Variants in KIAA1328 observed in about 807,000 individuals in gnomAD.
KIAA1328 encodes protein hinderin.
Under a neutral mutation model 68.1 loss-of-function variants are expected in KIAA1328, and 52 were observed. The ratio of observed to expected loss-of-function variants is 0.76; its 90% confidence interval spans 0.61 to 0.96. The LOEUF is 0.96. KIAA1328 is among the 40% of genes least tolerant of loss of function. The pLI, the probability that KIAA1328 is intolerant of heterozygous loss-of-function variation, is 0.00. For synonymous variants in KIAA1328, 232 were observed against 239.4 expected (o/e 0.97, Z 0.28); for missense variants, 641 against 677.6 (o/e 0.95, Z 0.60).
At chr18:37,163,202 C>G (rs956273223) in intron 8 of KIAA1328, among the ~76,000 whole-genome samples, 4 of 152,206 alleles carry the variant, frequency 2.6e-5, no homozygotes, top group Non-Finnish European at 5.9e-5. Context: ...TTTATGAGAG[C>G]CCTCAAAACT....
chr18:37,133,680 A>G (rs548031357), intron 7 of KIAA1328, among the ~76,000 whole-genome samples: 62 of 151,268 alleles, frequency 4.1e-4, no homozygotes, highest in African/African-American at 1.5e-3. Context: ...TGCCTGCCAC[A>G]ATGCCTGGCT....
At chr18:37,179,472 G>A (rs2059658488) in intron 9 of KIAA1328, among the ~76,000 whole-genome samples, 2 of 152,044 alleles carry the variant, frequency 1.3e-5, no homozygotes. Context: ...TGTTTAATGT[G>A]TTCTGAAAAT....
intron 7 of KIAA1328, among the ~76,000 whole-genome samples, chr18:37,079,427 A>T (rs558270904): frequency 1.4e-5 from 2 of 146,712 alleles, no homozygotes; most frequent in African/African-American, 5.2e-5. Flanking sequence ...ACATGTATAC[A>T]TATGTAACTA....
chr18:36,876,318 T>G (rs1337344180), intron 4 of KIAA1328, among the ~76,000 whole-genome samples: 1 of 152,100 alleles, frequency 6.6e-6, no homozygotes, highest in East Asian at 1.9e-4. Flanking sequence ...ATTTTTTTGG[T>G]TGGTAGGCTA....
chr18:36,842,492 C>T (rs2150800281), intron 3 of KIAA1328, among the ~76,000 whole-genome samples: 1 of 152,200 alleles, frequency 6.6e-6, no homozygotes, highest in Non-Finnish European at 1.5e-5. Flanking sequence ...GAGTCTTAGA[C>T]TTAGCATCTC....
rs763656854 is a variant in KIAA1328 at position 36,959,277 on chromosome 18, T to C, written c.449-31T>C. 6.5e-6 allele frequency: 10 copies of C among 1,536,436 alleles called. No homozygotes were observed. In the South Asian group the frequency reaches 1.3e-4, roughly 19 times the overall value. On this transcript the variant is annotated intron_variant, in intron 5 of 9. Coordinates refer to ENST00000280020, the MANE Select transcript of KIAA1328 (RefSeq NM_020776.3). ...GATGGATGCAGTTTGAATCAATTTT[T>C]CAGTTTTTTTCCCTTAATTTGCAAT...
At chr18:37,009,740 G>C (rs1448992558) in intron 6 of KIAA1328, among the ~76,000 whole-genome samples, 5 of 152,286 alleles carry the variant, frequency 3.3e-5, no homozygotes, top group Admixed American at 2.6e-4. Flanking sequence ...ATGGATATAA[G>C]ATGGATAGTC....
chr18:37,220,663 T>C (rs1446240508), intron 9 of KIAA1328, among the ~76,000 whole-genome samples: 1 of 152,222 alleles, frequency 6.6e-6, no homozygotes, highest in Non-Finnish European at 1.5e-5. Flanking sequence ...GCCAGAAAGA[T>C]GACATTTTTG....
chr18:37,033,178 A>C (rs1289858193), intron 6 of KIAA1328, among the ~76,000 whole-genome samples: 1 of 152,008 alleles, frequency 6.6e-6, no homozygotes, highest in Non-Finnish European at 1.5e-5. Flanking sequence ...TTTCCTTTAA[A>C]TTCTTAATTA....
At chr18:36,859,222 A>G (rs1289744377) in intron 4 of KIAA1328, among the ~76,000 whole-genome samples, 1 of 151,750 alleles carries the variant, frequency 6.6e-6, no homozygotes, top group African/African-American at 2.4e-5. Context: ...TAACAAGTGC[A>G]GTTTCCTCTC....
At chr18:37,103,316 C>G (rs2057678171) in intron 7 of KIAA1328, among the ~76,000 whole-genome samples, 1 of 152,048 alleles carries the variant, frequency 6.6e-6, no homozygotes, top group African/African-American at 2.4e-5. Flanking sequence ...ACACATAGAC[C>G]AGTGGAATAG....
rs77694256 is a variant in KIAA1328, at chr18:37,083,837, G to A, written c.1232+16292G>A. ...ATAGAGGGAAGAATTAACTTTCTGC[G>A]GCAGAGATTTAAAGTGCTCCTATTG... On this transcript the variant is annotated intron_variant, in intron 7 of 9. Transcript: ENST00000280020. Among the ~76,000 whole-genome samples, 156 of 152,186 alleles carry A rather than the reference G, an allele frequency of 1.0e-3. 2 individuals carry two copies. The highest frequency in any genetic ancestry group is 3.7e-3 in the African/African-American group (154 of 41,546).
At chr18:37,088,840 A>G (rs1029247743) in intron 7 of KIAA1328, among the ~76,000 whole-genome samples, 1 of 152,134 alleles carries the variant, frequency 6.6e-6, no homozygotes, top group Non-Finnish European at 1.5e-5. Context: ...ATGTCAACAT[A>G]TCTCTTATAA....
intron 7 of KIAA1328, among the ~76,000 whole-genome samples, chr18:37,156,319 G>A (rs546116634): frequency 4.0e-5 from 6 of 151,354 alleles, no homozygotes; most frequent in African/African-American, 7.3e-5. Context: ...CCAGCTACTC[G>A]GGAGGCTGAG....
intron 7 of KIAA1328, among the ~76,000 whole-genome samples, chr18:37,104,498 G>A (rs2057713904): frequency 6.6e-6 from 1 of 152,206 alleles, no homozygotes; most frequent in African/African-American, 2.4e-5. Flanking sequence ...ACAGGAGGCT[G>A]TGAAAGGTGG....
At chr18:36,845,782 T>C (rs1261634719) in intron 4 of KIAA1328, among the ~76,000 whole-genome samples, 1 of 151,758 alleles carries the variant, frequency 6.6e-6, no homozygotes, top group Non-Finnish European at 1.5e-5. Context: ...CATGCATGTA[T>C]GTTCAATTGA....
In KIAA1328 at chr18:36,844,192, A is replaced by T. The variant is rs554212352; in HGVS notation, c.238-16A>T. The T allele has an allele frequency of 8.5e-5, 99 of 1,160,640 alleles. No individual in the cohort carries two copies. Among genetic ancestry groups the T allele is most frequent in the Middle Eastern group, 2.2e-4 (1 of 4,580 alleles). 71.9% of individuals were successfully genotyped at this position (1,160,640 alleles called of 1,614,324 possible). On this transcript the variant is annotated splice_polypyrimidine_tract_variant and intron_variant, in intron 3 of 9. Coordinates refer to ENST00000280020, the MANE Select transcript of KIAA1328 (RefSeq NM_020776.3). ...TTGGTTTTAGAAAAAGTGTAACTAA[A>T]TTTTTTTTTTTTAAGAATTCCTGCA...
chr18:36,894,533 CTT>C (rs373988858), intron 5 of KIAA1328, among the ~76,000 whole-genome samples: 1 of 148,470 alleles, frequency 6.7e-6, no homozygotes, highest in Non-Finnish European at 1.5e-5. Context: ...GACTACTTTT[CTT>C]TTTTTTTTGA....
chr18:37,029,540 A>T (rs2054737773), intron 6 of KIAA1328, among the ~76,000 whole-genome samples: 1 of 152,108 alleles, frequency 6.6e-6, no homozygotes, highest in Admixed American at 6.6e-5. Context: ...TGAGTGGCTA[A>T]TTTTTTGTAG....
Sources: allele counts gnomAD v4.1 joint callset (sites outside exome capture counted in the v4.1 genomes callset), GRCh38; gene constraint gnomAD v4.1.1; transcripts MANE v1.5; gene names NCBI Gene and HGNC (gene_info 2026-07-23, HGNC 2026-07-21).